Variants in QPCTL observed in about 807,000 individuals in gnomAD.
QPCTL encodes glutaminyl-peptide cyclotransferase-like protein.
QPCTL carries 31 observed loss-of-function variants against 34.6 expected under a neutral mutation model. That is an observed-to-expected ratio of 0.90 (90% CI 0.67 to 1.21). QPCTL has a LOEUF of 1.21. QPCTL is among the 50% of genes most tolerant of loss of function. The pLI is 0.00. For synonymous variants in QPCTL, 223 were observed against 226.9 expected (o/e 0.98, Z 0.15); for missense variants, 474 against 507.8 (o/e 0.93, Z 0.64).
At chr19:45,697,375 G>A (rs1437475479) in intron 3 of QPCTL, among the ~76,000 whole-genome samples, 4 of 142,974 alleles carry the variant, frequency 2.8e-5, no homozygotes, top group East Asian at 4.3e-4. Context: ...GCAGTGAGCC[G>A]AGATCGCGCC....
intron 6 of QPCTL, 29 bp downstream of exon 6, chr19:45,701,943 G>A (rs1456675794): frequency 7.0e-6 from 11 of 1,568,930 alleles, no homozygotes; most frequent in Non-Finnish European, 8.8e-6. Flanking sequence ...GATGGAGGGT[G>A]GGTGTCCAAG....
intron 3 of QPCTL, 106 bp downstream of exon 3, chr19:45,695,824 C>T (rs1453060509): frequency 7.7e-7 from 1 of 1,295,026 alleles, no homozygotes; most frequent in African/African-American, 1.5e-5. Flanking sequence ...TCCCACTCTA[C>T]TCCACGCACA....
At chr19:45,695,325 G>A in intron 2 of QPCTL, 112 bp from the exon 3 acceptor site, 1 of 936,618 alleles carries the variant, frequency 1.1e-6, no homozygotes, top group Non-Finnish European at 1.6e-6. Context: ...CATTCAATCA[G>A]AGTGGGGCTT....
rs557969784 is a variant in QPCTL at position 45,698,061 on chromosome 19, G to A, written c.634-486G>A. Among the ~76,000 whole-genome samples the A allele has an allele frequency of 2.2e-4, 34 of 152,072 alleles. No homozygotes were observed. The East Asian group carries it at 6.4e-3, about 29-fold the overall frequency. The stretch of plus-strand genomic sequence containing the variant: ...AGTTCGAGACCAGCCTGGCCAACAT[G>A]GTGAAAGCTTGTCTCTACTAAAAAT... On this transcript the variant is annotated intron_variant, in intron 3 of 6. Coordinates refer to ENST00000012049, the MANE Select transcript of QPCTL (RefSeq NM_017659.4).
chr19:45,702,861 G>C lies in QPCTL; in HGVS notation c.1004-43G>C. 2.5e-6 allele frequency: 4 copies of C among 1,612,362 alleles called. No homozygotes were observed. The South Asian group carries it at 4.4e-5, about 18-fold the overall frequency. On this transcript the variant is annotated intron_variant, in intron 6 of 6. Coordinates refer to ENST00000012049, the MANE Select transcript of QPCTL (RefSeq NM_017659.4). ...GTTGGGCTTGGGCTCCTGGGTTGTG[G>C]TGGGCTGCAGTGGACCTGACAAAGT... is the stretch of plus-strand genomic sequence containing the variant.
intron 3 of QPCTL, among the ~76,000 whole-genome samples, chr19:45,696,018 G>A (rs1336567379): frequency 1.3e-5 from 2 of 152,044 alleles, no homozygotes; most frequent in African/African-American, 4.8e-5. Context: ...ACAGGCGTGA[G>A]CCACCGCGCC....
At chr19:45,701,391 T>C (rs988875337) in intron 5 of QPCTL, among the ~76,000 whole-genome samples, 2 of 151,832 alleles carry the variant, frequency 1.3e-5, no homozygotes, top group Admixed American at 6.6e-5. Flanking sequence ...TTCTCCTGCC[T>C]CAGCCTCCCA....
intron 5 of QPCTL, 27 bp downstream of exon 5, chr19:45,698,927 C>T (rs1003156464): frequency 3.1e-6 from 5 of 1,592,696 alleles, no homozygotes; most frequent in Non-Finnish European, 3.4e-6. Context: ...AGGTGGGCCC[C>T]AGCCCACCTG....
At chr19:45,702,277 T>C (rs1347704490) in intron 6 of QPCTL, among the ~76,000 whole-genome samples, 1 of 151,354 alleles carries the variant, frequency 6.6e-6, no homozygotes, top group Non-Finnish European at 1.5e-5. Context: ...CTGGGCAACA[T>C]GGCATAAATC....
chr19:45,699,307 A>G (rs1967767687), intron 5 of QPCTL, among the ~76,000 whole-genome samples: 2 of 151,488 alleles, frequency 1.3e-5, no homozygotes, highest in African/African-American at 4.8e-5. Flanking sequence ...CTGGGATTAC[A>G]GGCGTGAGCC....
intron 3 of QPCTL, among the ~76,000 whole-genome samples, chr19:45,697,698 A>T (rs533659992): frequency 6.6e-6 from 1 of 152,122 alleles, no homozygotes; most frequent in South Asian, 2.1e-4. Context: ...CATGGCAAAC[A>T]TCCCTTCCCA....
At position 45,698,605 on chromosome 19, in the gene QPCTL, G is replaced by A; in HGVS notation, c.692G>A (p.Trp231Ter). 6.2e-7 allele frequency: 1 copy of A among 1,614,130 alleles called. No homozygotes were observed. The highest frequency in any genetic ancestry group is 8.5e-7 in the Non-Finnish European group (1 of 1,180,008). ...FLDGEEALKE[W>*]GPKDSLYGSR... ...GATGGTGAAGAGGCGCTGAAGGAGT[G>A]GGGACCCAAGGACTCCCTTTACGGT... Residue 231 changes from tryptophan (W) to a stop codon, truncating the protein, a stop_gained, in exon 4 of 7, where the codon TGG becomes TAG. Coordinates refer to ENST00000012049, the MANE Select transcript of QPCTL (RefSeq NM_017659.4). LOFTEE classifies it high-confidence loss of function.
In QPCTL at chr19:45,703,038, CT is replaced by C; in HGVS notation, c.1139del (p.Leu380ArgfsTer9). 1 of 1,614,166 alleles carries C rather than the reference CT, an allele frequency of 6.2e-7. No homozygotes were observed. Among genetic ancestry groups the C allele is most frequent in the African/African-American group, 1.3e-5 (1 of 75,034 alleles). ...TCTCGCTGTGTTCCTGGCTGAATAC[CT>C]GGGGCTCTAGCGTGCTTGGCCAATG... is the stretch of plus-strand genomic sequence containing the variant. ...RILAVFLAEY[L>X]GL On this transcript the variant is annotated frameshift_variant, in exon 7 of 7. Coordinates refer to ENST00000012049, the MANE Select transcript of QPCTL (RefSeq NM_017659.4). LOFTEE classifies it high-confidence loss of function.
chr19:45,697,290 G>A (rs1212268512), intron 3 of QPCTL, among the ~76,000 whole-genome samples: 1 of 151,764 alleles, frequency 6.6e-6, no homozygotes, highest in African/African-American at 2.4e-5. Context: ...GCTGGGCGTG[G>A]TGGCGGGCGC....
intron 5 of QPCTL, 48 bp downstream of exon 5, chr19:45,698,948 T>C (rs1200348665): frequency 1.1e-5 from 17 of 1,549,712 alleles, no homozygotes; most frequent in Non-Finnish European, 1.5e-5. Context: ...GGGTATGGGG[T>C]ACAGGGCGGT....
chr19:45,701,707 C>A, intron 5 of QPCTL, 91 bp from the exon 6 acceptor site: 1 of 964,068 alleles, frequency 1.0e-6, no homozygotes, highest in South Asian at 1.6e-5. Flanking sequence ...AGGGCTTTGT[C>A]TCTGGGTGCT....
chr19:45,701,272 A>G (rs1600345174), intron 5 of QPCTL, among the ~76,000 whole-genome samples: 1 of 151,124 alleles, frequency 6.6e-6, no homozygotes, highest in South Asian at 2.1e-4. Flanking sequence ...GTGAGAGAGC[A>G]AGATCTTTTT....
At chr19:45,700,239 G>C (rs1967783873) in intron 5 of QPCTL, among the ~76,000 whole-genome samples, 1 of 152,164 alleles carries the variant, frequency 6.6e-6, no homozygotes, top group South Asian at 2.1e-4. Flanking sequence ...AAGGTCAGGA[G>C]TTTGAGACCA....
chr19:45,695,815 C>T, intron 3 of QPCTL, 97 bp downstream of exon 3: 1 of 1,359,470 alleles, frequency 7.4e-7, no homozygotes, highest in Non-Finnish European at 9.8e-7. Flanking sequence ...CTCTCGTCTT[C>T]CCACTCTACT....
Sources: allele counts gnomAD v4.1 joint callset (sites outside exome capture counted in the v4.1 genomes callset), GRCh38; gene constraint gnomAD v4.1.1; transcripts MANE v1.5; gene names NCBI Gene and HGNC (gene_info 2026-07-23, HGNC 2026-07-21).